The following MCCC2 variants were observed in gnomAD, a reference collection of about 807,000 sequenced individuals.
MCCC2 encodes the protein methylcrotonyl-CoA carboxylase subunit 2, also known as methylcrotonoyl-CoA carboxylase beta chain, mitochondrial.
In MCCC2, 52 loss-of-function variants were observed where a neutral mutation model predicts 77.2. The observed-to-expected ratio is 0.67, with a 90% CI of 0.54 to 0.85. The LOEUF (loss-of-function observed/expected upper bound fraction) is 0.85, where lower values mean the gene tolerates loss of function less well. Ranked by LOEUF, MCCC2 falls within the 40% of genes least tolerant of loss-of-function variation. The pLI is 0.00. For missense variants in MCCC2, 682 were observed against 703.2 expected (o/e 0.97, Z 0.34); for synonymous variants, 253 against 248.4 (o/e 1.02, Z -0.18).
intron 7 of MCCC2, among the ~76,000 whole-genome samples, chr5:71,630,966 A>G (rs1183207577): frequency 1.3e-5 from 2 of 152,150 alleles, no homozygotes; most frequent in African/African-American, 4.8e-5. Flanking sequence ...TTAGCCTTAA[A>G]TTATTTTTCT....
chr5:71,646,415 C>A, intron 13 of MCCC2, 138 bp downstream of exon 13: 1 of 732,466 alleles, frequency 1.4e-6, no homozygotes, highest in Non-Finnish European at 2.4e-6. Context: ...TTCTGGAGGC[C>A]CTTTAAGAGT....
chr5:71,619,913 C>T (rs1746302002), intron 6 of MCCC2, among the ~76,000 whole-genome samples: 2 of 151,902 alleles, frequency 1.3e-5, no homozygotes, highest in South Asian at 4.2e-4. Flanking sequence ...ATCGCTTGGA[C>T]CCGGGAGGTG....
At chr5:71,637,958 C>T (rs531129003) in intron 10 of MCCC2, among the ~76,000 whole-genome samples, 5 of 152,074 alleles carry the variant, frequency 3.3e-5, no homozygotes, top group East Asian at 1.9e-4. Flanking sequence ...ATGATCTGCC[C>T]GCCTCGGCCT....
intron 8 of MCCC2, among the ~76,000 whole-genome samples, chr5:71,633,088 GTT>G (rs1279827858): frequency 4.5e-4 from 33 of 72,542 alleles, no homozygotes; most frequent in African/African-American, 1.6e-3. Context: ...TTTTTTTTCA[GTT>G]TTATATATAT....
At chr5:71,621,302 G>A (rs1318481302) in intron 6 of MCCC2, among the ~76,000 whole-genome samples, 1 of 152,016 alleles carries the variant, frequency 6.6e-6, no homozygotes, top group African/African-American at 2.4e-5. Context: ...TGAGCCAGGA[G>A]TGCTACCTGG....
chr5:71,590,703 G>A (rs1744938976), intron 1 of MCCC2, among the ~76,000 whole-genome samples: 1 of 152,110 alleles, frequency 6.6e-6, no homozygotes, highest in African/African-American at 2.4e-5. Context: ...TGTAATCCCA[G>A]CTACTTGGGA....
In MCCC2 at chr5:71,602,700, G is replaced by C; in HGVS notation, c.511+67G>C. The C allele has an allele frequency of 3.1e-6, 5 of 1,605,888 alleles. No homozygotes were observed. The Admixed American group carries it at 6.7e-5, about 21-fold the overall frequency. On this transcript the variant is annotated intron_variant, in intron 5 of 16. Coordinates refer to ENST00000340941, the MANE Select transcript of MCCC2 (RefSeq NM_022132.5). ...AAAATGCAAGATAGTTTGGAAGGCT[G>C]TATGTATTACATTTGGGATGGGTAT...
Position 71,650,296 on chromosome 5 carries a change from G to T in MCCC2, c.1488+113G>T, listed in dbSNP as rs182191. ...TGGTGTTCATGGCTGGGGACCTGGC[G>T]CACACTGCCTGGCCATATTTAGACT... On this transcript the variant is annotated intron_variant, in intron 15 of 16. Transcript: ENST00000340941. 50 of 795,434 alleles carry T rather than the reference G, an allele frequency of 6.3e-5. No homozygotes were observed. In the African/African-American group the frequency reaches 7.6e-4, roughly 12 times the overall value. 49.3% of individuals were successfully genotyped at this position (795,434 alleles called of 1,614,324 possible).
chr5:71,629,811 T>A (rs1746651211), intron 7 of MCCC2, among the ~76,000 whole-genome samples: 1 of 151,784 alleles, frequency 6.6e-6, no homozygotes, highest in African/African-American at 2.4e-5. Context: ...TGTCATTTGT[T>A]AATGAGAGGA....
chr5:71,648,111 T>A (rs1001818246), intron 13 of MCCC2, among the ~76,000 whole-genome samples: 5 of 152,202 alleles, frequency 3.3e-5, no homozygotes, highest in African/African-American at 1.2e-4. Context: ...AGTAAAGGGC[T>A]GTGCTGCCAT....
At chr5:71,655,512 T>C (rs1361012339) in intron 16 of MCCC2, among the ~76,000 whole-genome samples, 2 of 152,216 alleles carry the variant, frequency 1.3e-5, no homozygotes, top group Non-Finnish European at 2.9e-5. Context: ...TTCATCACCA[T>C]GCTTGCTGTG....
At chr5:71,636,527 C>G (rs1187616251) in intron 10 of MCCC2, 3 of 152,674 alleles carry the variant, frequency 2.0e-5, no homozygotes, top group African/African-American at 7.2e-5. Flanking sequence ...ATGGTGAAAC[C>G]CCATCTCTAC....
At chr5:71,596,134 T>G in intron 2 of MCCC2, 146 bp from the exon 3 acceptor site, 1 of 741,352 alleles carries the variant, frequency 1.3e-6, no homozygotes, top group Non-Finnish European at 2.3e-6. Context: ...AACTTGTAAG[T>G]TGAGTGAATG....
In MCCC2 at chr5:71,652,739, A is replaced by C. The variant is rs150327768; in HGVS notation, c.1559A>C (p.Tyr520Ser). ...IKKFEEEGNP[Y>S]YSSARVWDDG... Reference sequence around the variant, plus strand: ...AAGTTTGAAGAGGAAGGAAACCCTTACTATTCCAGCGCAAGGTGGGGGCCA... The same window carrying C: ...AAGTTTGAAGAGGAAGGAAACCCTTCCTATTCCAGCGCAAGGTGGGGGCCA... The change falls in exon 16 of 17, where the codon TAC becomes TCC. Residue 520 changes from tyrosine to serine, a missense_variant. Physicochemically the swap from Tyr to Ser is moderately radical, Grantham distance 144 (BLOSUM62 -2). Transcript: ENST00000340941. 5.9e-5 allele frequency: 96 copies of C among 1,614,052 alleles called. No homozygotes were observed. The highest frequency in any genetic ancestry group is 8.1e-5 in the Non-Finnish European group (95 of 1,180,002).
intron 16 of MCCC2, among the ~76,000 whole-genome samples, chr5:71,655,559 G>T (rs560391202): frequency 6.6e-6 from 1 of 152,134 alleles, no homozygotes; most frequent in African/African-American, 2.4e-5. Flanking sequence ...AATTCACCTG[G>T]TTGCAGATGA....
At chr5:71,599,025 C>G (rs1745316684) in intron 3 of MCCC2, among the ~76,000 whole-genome samples, 1 of 152,056 alleles carries the variant, frequency 6.6e-6, no homozygotes, top group Non-Finnish European at 1.5e-5. Flanking sequence ...CCACAAAGTG[C>G]TAGGACTACA....
chr5:71,606,349 A>G (rs1256705706), intron 6 of MCCC2, among the ~76,000 whole-genome samples: 2 of 152,118 alleles, frequency 1.3e-5, no homozygotes, highest in East Asian at 1.9e-4. Context: ...TGTGAATGAG[A>G]GTTCACTCAT....
At chr5:71,655,624 T>C (rs1261690540) in intron 16 of MCCC2, among the ~76,000 whole-genome samples, 5 of 152,178 alleles carry the variant, frequency 3.3e-5, no homozygotes, top group African/African-American at 7.2e-5. Context: ...CTATTATGAA[T>C]GTTTTATGAG....
Position 71,617,893 on chromosome 5 carries a change from C to T in MCCC2, c.625-8747C>T, listed in dbSNP as rs1746220272. On this transcript the variant is annotated intron_variant, in intron 6 of 16. Transcript: ENST00000340941. ...AAAAATGTGGACAGATTACTATAGA[C>T]CTTCCAGGTTTCAACATTTTCTTTT... Among the ~76,000 whole-genome samples, 3 of 152,160 alleles carry T rather than the reference C, an allele frequency of 2.0e-5. No individual in the cohort carries two copies. The South Asian group carries it at 6.2e-4, about 31-fold the overall frequency.
Sources: gnomAD v4.1 joint callset for allele counts (sites outside exome capture counted in the v4.1 genomes callset) on GRCh38, gnomAD v4.1.1 for gene constraint, MANE v1.5 for transcripts, NCBI Gene and HGNC (gene_info 2026-07-23, HGNC 2026-07-21) for gene names.